DCUN1D2: variants seen among roughly 807,000 people sequenced by gnomAD.
DCUN1D2 encodes defective in cullin neddylation 1 domain containing 2.
DCUN1D2 carries 29 observed loss-of-function variants against 30.9 expected under a neutral mutation model. That is an observed-to-expected ratio of 0.94 (90% CI 0.70 to 1.28). The LOEUF is 1.28. Among genes scored for constraint, DCUN1D2 ranks in the 50% most tolerant of loss-of-function variants. The pLI, the probability that DCUN1D2 is intolerant of heterozygous loss-of-function variation, is 0.00. For synonymous variants in DCUN1D2, 121 were observed against 115.3 expected (o/e 1.05, Z -0.32); for missense variants, 325 against 316.9 (o/e 1.03, Z -0.19).
chr13:113,491,216 C>G (rs1377163908), upstream of DCUN1D2: 1 of 152,338 alleles, frequency 6.6e-6, no homozygotes, highest in African/African-American at 2.4e-5. Context: ...GAGCCCGGCC[C>G]AGGCCGCGGA....
chr13:113,460,322 G>A (rs78642718), intron 5 of DCUN1D2, among the ~76,000 whole-genome samples: 4 of 152,236 alleles, frequency 2.6e-5, no homozygotes, highest in East Asian at 3.9e-4. Context: ...CTGGTGTCAG[G>A]TGAAGGGAGG....
intron 3 of DCUN1D2, among the ~76,000 whole-genome samples, chr13:113,478,060 TA>T (rs1337151597): frequency 1.3e-5 from 2 of 152,226 alleles, no homozygotes; most frequent in East Asian, 3.8e-4. Context: ...TTGCTGGCCT[TA>T]AAAACAAATT....
At chr13:113,459,278 T>A in intron 6 of DCUN1D2, 34 bp downstream of exon 6, 1 of 1,172,588 alleles carries the variant, frequency 8.5e-7, no homozygotes, top group Non-Finnish European at 1.3e-6. Flanking sequence ...GTGTAAGCAT[T>A]TCGGTCAATC....
At chr13:113,468,853 A>T (rs1047350336) in intron 4 of DCUN1D2, 1 of 152,402 alleles carries the variant, frequency 6.6e-6, no homozygotes, top group African/African-American at 2.4e-5. Context: ...TGCCAGCAAC[A>T]GGACCCGTGT....
At chr13:113,486,826 C>T (rs2044812816) in intron 1 of DCUN1D2, among the ~76,000 whole-genome samples, 1 of 152,206 alleles carries the variant, frequency 6.6e-6, no homozygotes, top group Non-Finnish European at 1.5e-5. Context: ...CTTCATTCAG[C>T]CAACTTTGTC....
At chr13:113,458,629 C>CATTT (rs1301200631) in intron 6 of DCUN1D2, among the ~76,000 whole-genome samples, 2 of 152,218 alleles carry the variant, frequency 1.3e-5, no homozygotes, top group African/African-American at 4.8e-5. Context: ...ATTTGACAAG[C>CATTT]ATTTACTGGG....
At chr13:113,486,882 G>A (rs987031578) in intron 1 of DCUN1D2, among the ~76,000 whole-genome samples, 1 of 152,180 alleles carries the variant, frequency 6.6e-6, no homozygotes. Context: ...TCAGGCCTGT[G>A]GGTCTGTTGC....
At chr13:113,472,790 G>A (rs1219371867) in intron 4 of DCUN1D2, among the ~76,000 whole-genome samples, 1 of 152,222 alleles carries the variant, frequency 6.6e-6, no homozygotes, top group Non-Finnish European at 1.5e-5. Flanking sequence ...GAGCCAAGAC[G>A]CAGCAGACAC....
chr13:113,473,988 G>C (rs1426161844), intron 4 of DCUN1D2, 136 bp downstream of exon 4: 1 of 1,067,072 alleles, frequency 9.4e-7, no homozygotes, highest in Admixed American at 2.3e-5. Flanking sequence ...CTAGGTGACA[G>C]AGCAAGACCG....
chr13:113,483,010 A>G (rs866474629), intron 2 of DCUN1D2, among the ~76,000 whole-genome samples: 1 of 152,202 alleles, frequency 6.6e-6, no homozygotes, highest in East Asian at 1.9e-4. Context: ...AAATTATTGT[A>G]TATTTGGGCT....
intron 4 of DCUN1D2, among the ~76,000 whole-genome samples, chr13:113,472,424 C>G (rs1026549265): frequency 6.6e-6 from 1 of 152,192 alleles, no homozygotes; most frequent in African/African-American, 2.4e-5. Flanking sequence ...GAATACAGGT[C>G]TGGGGTAGAA....
At chr13:113,487,474 T>A (rs2044826287) in intron 1 of DCUN1D2, among the ~76,000 whole-genome samples, 2 of 152,152 alleles carry the variant, frequency 1.3e-5, no homozygotes, top group Non-Finnish European at 2.9e-5. Flanking sequence ...ACACAGTGTA[T>A]GATTCCATCC....
chr13:113,474,645 G>T (rs1345032003), intron 3 of DCUN1D2, among the ~76,000 whole-genome samples: 2 of 152,202 alleles, frequency 1.3e-5, no homozygotes, highest in Admixed American at 6.5e-5. Flanking sequence ...CAAGGGCGTG[G>T]TCTAACTTGG....
intron 4 of DCUN1D2, among the ~76,000 whole-genome samples, chr13:113,471,832 T>C (rs2044521302): frequency 6.6e-6 from 1 of 152,132 alleles, no homozygotes; most frequent in African/African-American, 2.4e-5. Flanking sequence ...CAAAAGCACT[T>C]CCTGGGGATC....
Position 113,470,627 on chromosome 13 carries a change from C to A in DCUN1D2, c.520+3497G>T, listed in dbSNP as rs558045379. ...CAACTCCACAAGGGACCCAACTCCA[C>A]AAGGGACCCAACTCCACAGGGGACC... On this transcript the variant is annotated intron_variant, in intron 4 of 6. Coordinates refer to ENST00000478244, the MANE Select transcript of DCUN1D2 (RefSeq NM_001014283.2). 1.6e-3 allele frequency among the ~76,000 whole-genome samples: 235 copies of A among 151,514 alleles called. 1 individual carries two copies. The highest frequency in any genetic ancestry group is 5.3e-3 in the African/African-American group (219 of 41,190).
intron 6 of DCUN1D2, 138 bp from the exon 7 acceptor site, chr13:113,458,246 T>G (rs1487211766): frequency 3.9e-6 from 3 of 778,178 alleles, no homozygotes. Context: ...TTTCACAGAA[T>G]GAACCAGCCC....
rs1203168690 is a variant in DCUN1D2 at position 113,457,266 on chromosome 13, TAA to T, written c.*761_*762del. The T allele has an allele frequency of 6.6e-6, 1 of 152,170 alleles. No individual in the cohort carries two copies. The highest frequency in any genetic ancestry group is 1.5e-5 in the Non-Finnish European group (1 of 68,044). The allele number at this position is 152,170 out of a possible 1,614,324, so 9.4% of individuals were successfully genotyped here. A position where few individuals can be genotyped will look rare whatever the true frequency, so the allele number is the denominator to read the frequency against. The stretch of plus-strand genomic sequence containing the variant: ...TTTTAAATGTAATTAAAATATATTT[TAA>T]AAAAACATACTTTATGAAGCTTCTC... On this transcript the variant is annotated 3_prime_UTR_variant, in exon 7 of 7. Coordinates refer to ENST00000478244, the MANE Select transcript of DCUN1D2 (RefSeq NM_001014283.2).
At chr13:113,466,364 T>G (rs2044402815) in intron 4 of DCUN1D2, among the ~76,000 whole-genome samples, 1 of 152,186 alleles carries the variant, frequency 6.6e-6, no homozygotes, top group African/African-American at 2.4e-5. Context: ...AACCAAATGT[T>G]TTCATTTGTT....
At chr13:113,467,879 A>G (rs2139692671) in intron 4 of DCUN1D2, among the ~76,000 whole-genome samples, 1 of 151,916 alleles carries the variant, frequency 6.6e-6, no homozygotes, top group African/African-American at 2.4e-5. Flanking sequence ...CCCCATCTCT[A>G]CTAATAATAC....
Sources: allele counts gnomAD v4.1 joint callset (sites outside exome capture counted in the v4.1 genomes callset), GRCh38; gene constraint gnomAD v4.1.1; transcripts MANE v1.5; gene names NCBI Gene and HGNC (gene_info 2026-07-23, HGNC 2026-07-21).